BCAT1: variants seen among roughly 807,000 people sequenced by gnomAD.
BCAT1 encodes the protein branched chain amino acid transaminase 1, also known as branched-chain-amino-acid aminotransferase, cytosolic.
In BCAT1, 48 loss-of-function variants were observed where a neutral mutation model predicts 52.4. The observed-to-expected ratio is 0.92, with a 90% CI of 0.73 to 1.16. The LOEUF (loss-of-function observed/expected upper bound fraction) is 1.16. Among genes scored for constraint, BCAT1 ranks in the 50% most tolerant of loss-of-function variants. The pLI is 0.00. For missense variants in BCAT1, 451 were observed against 457.1 expected, an observed-to-expected ratio of 0.99 and a Z score of 0.12; for synonymous variants, 167 against 161.3, an observed-to-expected ratio of 1.04 and a Z score of -0.27.
chr12:24,816,839 T>C lies in BCAT1; in HGVS notation c.*1169A>G, dbSNP rs1299544430. 5.9e-6 allele frequency: 2 copies of C among 341,812 alleles called. No individual in the cohort carries two copies. Among genetic ancestry groups the C allele is most frequent in the African/African-American group, 4.2e-5 (2 of 47,588 alleles). The allele number at this position is 341,812 out of a possible 1,614,324, so 21.2% of individuals were successfully genotyped here. ...TCTCATAAGGAGCGCATAGCCTAGA[T>C]CCCTTGCATGCAGAGTTCACAATAG... On this transcript the variant is annotated 3_prime_UTR_variant, in exon 11 of 11. Coordinates refer to ENST00000261192, the MANE Select transcript of BCAT1 (RefSeq NM_005504.7).
At chr12:24,825,084 TC>T (rs1940328266) in intron 10 of BCAT1, among the ~76,000 whole-genome samples, 1 of 152,074 alleles carries the variant, frequency 6.6e-6, no homozygotes, top group Non-Finnish European at 1.5e-5. Context: ...AGGATTTCAT[TC>T]TTTTTTATGG....
At chr12:24,886,348 GTAAA>G (rs901778411) in intron 3 of BCAT1, among the ~76,000 whole-genome samples, 2 of 152,144 alleles carry the variant, frequency 1.3e-5, no homozygotes, top group African/African-American at 4.8e-5. Flanking sequence ...AGCCCAGGAG[GTAAA>G]GGCTGCAGTG....
chr12:24,906,398 GAT>G (rs1261910280), intron 1 of BCAT1, among the ~76,000 whole-genome samples: 1 of 152,116 alleles, frequency 6.6e-6, no homozygotes, highest in Non-Finnish European at 1.5e-5. Flanking sequence ...GGCTGTGAGA[GAT>G]CTGCCTGTCT....
intron 3 of BCAT1, among the ~76,000 whole-genome samples, chr12:24,892,605 C>CA (rs1379446925): frequency 1.3e-5 from 2 of 152,198 alleles, no homozygotes; most frequent in Admixed American, 1.3e-4. Flanking sequence ...GTCATCCCAG[C>CA]ACTTGAAGAA....
intron 2 of BCAT1, among the ~76,000 whole-genome samples, chr12:24,894,941 G>T (rs150503723): frequency 6.6e-6 from 1 of 152,208 alleles, no homozygotes; most frequent in Non-Finnish European, 1.5e-5. Flanking sequence ...CCAAAGAATT[G>T]TTGGCATAAG....
chr12:24,913,551 A>G (rs947240334), intron 1 of BCAT1, among the ~76,000 whole-genome samples: 12 of 152,288 alleles, frequency 7.9e-5, no homozygotes, highest in Admixed American at 7.2e-4. Flanking sequence ...GCCTTTTACA[A>G]CAAGAACTGG....
chr12:24,887,080 A>AAAAAAAAAATATATATAT (rs1245203518), intron 3 of BCAT1, among the ~76,000 whole-genome samples: 1 of 40,748 alleles, frequency 2.5e-5, no homozygotes, highest in Non-Finnish European at 5.2e-5. Flanking sequence ...AAAAAAAAAA[A>AAAAAAAAAATATATATAT]ATATATATAT....
intron 5 of BCAT1, among the ~76,000 whole-genome samples, chr12:24,871,196 G>A (rs1252246254): frequency 3.3e-5 from 5 of 152,154 alleles, no homozygotes; most frequent in South Asian, 2.1e-4. Context: ...CCTTCTTGGG[G>A]TGGAAGTGTA....
chr12:24,936,712 A>ATC (rs112458468), intron 1 of BCAT1, among the ~76,000 whole-genome samples: 6,469 of 111,824 alleles, frequency 0.058, 483 homozygotes, highest in Middle Eastern at 0.095. Flanking sequence ...TTAAATCTCA[A>ATC]TCTCTCTCTC....
chr12:24,822,950 G>C (rs538219829), intron 10 of BCAT1, among the ~76,000 whole-genome samples: 15 of 151,758 alleles, frequency 9.9e-5, no homozygotes, highest in African/African-American at 3.6e-4. Context: ...TTTTTTCCCC[G>C]TCTCCCATCC....
chr12:24,829,187 C>A (rs1465274577), intron 10 of BCAT1, among the ~76,000 whole-genome samples: 1 of 151,794 alleles, frequency 6.6e-6, no homozygotes, highest in Non-Finnish European at 1.5e-5. Context: ...AGTTCAAGAC[C>A]AGCCTGGCCA....
intron 5 of BCAT1, among the ~76,000 whole-genome samples, chr12:24,854,463 A>G (rs1488193545): frequency 6.6e-6 from 1 of 152,164 alleles, no homozygotes; most frequent in Non-Finnish European, 1.5e-5. Context: ...AAGAAGTTTA[A>G]ATTGTTAAAG....
intron 1 of BCAT1, among the ~76,000 whole-genome samples, chr12:24,942,558 A>G (rs72640142): frequency 3.6e-4 from 55 of 150,794 alleles, no homozygotes; most frequent in Admixed American, 6.0e-4. Flanking sequence ...AAAAAAAAAA[A>G]AGATGGCTGG....
intron 2 of BCAT1, among the ~76,000 whole-genome samples, chr12:24,899,469 T>G (rs978126887): frequency 6.7e-6 from 1 of 149,184 alleles, no homozygotes; most frequent in Non-Finnish European, 1.5e-5. Flanking sequence ...GAAAATGGTA[T>G]GAAGCTTTCC....
chr12:24,830,306 T>G (rs4963806), intron 9 of BCAT1: 94,237 of 154,734 alleles, frequency 0.61, 29,411 homozygotes, highest in East Asian at 0.83. Context: ...ATATGAGAAC[T>G]CAAAGATATT....
chr12:24,818,180 A>G lies in BCAT1; in HGVS notation c.1120-131T>C. 6.2e-6 allele frequency: 5 copies of G among 804,660 alleles called. No homozygotes were observed. The Middle Eastern group carries it at 6.8e-4, about 109-fold the overall frequency. The allele number at this position is 804,660 out of a possible 1,614,324, so 49.8% of individuals were successfully genotyped here. On this transcript the variant is annotated intron_variant, in intron 10 of 10. Coordinates refer to ENST00000261192, the MANE Select transcript of BCAT1 (RefSeq NM_005504.7). The stretch of plus-strand genomic sequence containing the variant: ...GCTTTGAACAACATTTTCACATTAA[A>G]CATGTTCACATTAAAAACTGGATTA...
chr12:24,897,351 A>C (rs751080624), intron 2 of BCAT1, among the ~76,000 whole-genome samples: 11 of 152,264 alleles, frequency 7.2e-5, no homozygotes, highest in African/African-American at 1.2e-4. Flanking sequence ...TTTTAACCTC[A>C]AATAAGTGTT....
intron 8 of BCAT1, among the ~76,000 whole-genome samples, chr12:24,836,158 T>C (rs1289491116): frequency 1.3e-5 from 2 of 152,202 alleles, no homozygotes; most frequent in African/African-American, 4.8e-5. Context: ...CATTGCCATT[T>C]GGAAGCAACA....
intron 9 of BCAT1, among the ~76,000 whole-genome samples, chr12:24,832,200 G>C (rs972043430): frequency 7.2e-5 from 11 of 152,190 alleles, no homozygotes; most frequent in African/African-American, 2.7e-4. Context: ...AAGGAAGAGA[G>C]AAGAGTAGAA....
Sources: gnomAD v4.1 joint callset for allele counts (sites outside exome capture counted in the v4.1 genomes callset) on GRCh38, gnomAD v4.1.1 for gene constraint, MANE v1.5 for transcripts, NCBI Gene and HGNC (gene_info 2026-07-23, HGNC 2026-07-21) for gene names.